DPYSL5: variants seen among roughly 807,000 people sequenced by gnomAD.
DPYSL5 encodes dihydropyrimidinase like 5.
Under a neutral mutation model 58.4 loss-of-function variants are expected in DPYSL5, and 9 were observed. That is an observed-to-expected ratio of 0.15 (90% CI 0.09 to 0.27). DPYSL5 has a LOEUF of 0.27. DPYSL5 is among the 10% of genes least tolerant of loss of function. DPYSL5 has a pLI of 1.00. For synonymous variants in DPYSL5, 293 were observed against 301.9 expected, an observed-to-expected ratio of 0.97 and a Z score of 0.31; for missense variants, 499 against 770.6, an observed-to-expected ratio of 0.65 and a Z score of 4.17.
In DPYSL5 at chr2:26,942,766, G is replaced by C. The variant is rs2148177050; in HGVS notation, c.1440+16G>C. ...GAGAGAGAAGGTGAGGTGGGAGGAG[G>C]AAGATGCAGGGGTGTTGGCGCCCCC... is the stretch of plus-strand genomic sequence containing the variant. On this transcript the variant is annotated intron_variant, in intron 11 of 12. Transcript: ENST00000288699. The surrounding 1 kb of genome is among the most constrained non-coding windows in gnomAD (Gnocchi z 5.9). The C allele has an allele frequency of 1.2e-6, 2 of 1,611,666 alleles. No homozygotes were observed. Among genetic ancestry groups the C allele is most frequent in the East Asian group, 4.5e-5 (2 of 44,808 alleles).
rs563760553 is a variant in DPYSL5, at chr2:26,944,403, C to T, written c.1441-253C>T. 9.8e-5 allele frequency among the ~76,000 whole-genome samples: 15 copies of T among 152,314 alleles called. No individual in the cohort carries two copies. The highest frequency in any genetic ancestry group is 4.1e-4 in the South Asian group (2 of 4,824). On this transcript the variant is annotated intron_variant, in intron 11 of 12. Coordinates refer to ENST00000288699, the MANE Select transcript of DPYSL5 (RefSeq NM_020134.4). This position sits in a 1 kb window ranked among gnomAD's most constrained non-coding sequence, Gnocchi z 4.4. ...AGTATCTCTCCCATACACATGCATGCACACACACATGTGCACTCACATACA... is the reference window on the plus strand; with the variant it reads ...AGTATCTCTCCCATACACATGCATGTACACACACATGTGCACTCACATACA...
At chr2:26,918,185 T>A (rs1225441868) in intron 2 of DPYSL5, among the ~76,000 whole-genome samples, 1 of 144,036 alleles carries the variant, frequency 6.9e-6, no homozygotes, top group Non-Finnish European at 1.5e-5. Flanking sequence ...CCCTTCTAAA[T>A]GTAGGGCCTT....
Position 26,944,575 on chromosome 2 carries a change from GC to G in DPYSL5, c.1441-76del. 1 of 1,498,622 alleles carries G rather than the reference GC, an allele frequency of 6.7e-7. No homozygotes were observed. Among genetic ancestry groups the G allele is most frequent in the Non-Finnish European group, 9.1e-7 (1 of 1,102,460 alleles). The allele number at this position is 1,498,622 out of a possible 1,614,324, so 92.8% of individuals were successfully genotyped here. A position where few individuals can be genotyped will look rare whatever the true frequency, so the allele number is the denominator to read the frequency against. On this transcript the variant is annotated intron_variant, in intron 11 of 12. Coordinates refer to ENST00000288699, the MANE Select transcript of DPYSL5 (RefSeq NM_020134.4). The surrounding 1 kb of genome is among the most constrained non-coding windows in gnomAD (Gnocchi z 4.4). ...AGTGGCAGTGTCTAATGTCCCACCGGCCCCCAGGGAGGCCATGGTTGTATCA... is the reference window on the plus strand; with the variant it reads ...AGTGGCAGTGTCTAATGTCCCACCGGCCCCAGGGAGGCCATGGTTGTATCA...
At chr2:26,929,024 C>A (rs977476218) in intron 5 of DPYSL5, among the ~76,000 whole-genome samples, 1 of 151,966 alleles carries the variant, frequency 6.6e-6, no homozygotes, top group Non-Finnish European at 1.5e-5. Context: ...GGTCATGAAC[C>A]GGTACAGGAC....
At chr2:26,931,776 G>C in intron 6 of DPYSL5, 92 bp downstream of exon 6, 1 of 1,366,506 alleles carries the variant, frequency 7.3e-7, no homozygotes, top group Non-Finnish European at 1.0e-6. Flanking sequence ...GGGAGGCCGA[G>C]GTGCGTGGAT....
At chr2:26,922,028 C>T (rs1032942329) in intron 2 of DPYSL5, among the ~76,000 whole-genome samples, 2 of 152,142 alleles carry the variant, frequency 1.3e-5, no homozygotes, top group Non-Finnish European at 2.9e-5. Context: ...GGGTCCTCTT[C>T]GGGCCCTCCA....
rs1474451682 is a variant in DPYSL5 at position 26,925,092 on chromosome 2, A to G, written c.420+47A>G. The G allele has an allele frequency of 1.3e-6, 2 of 1,597,652 alleles. No individual in the cohort carries two copies. Among genetic ancestry groups the G allele is most frequent in the Non-Finnish European group, 1.7e-6 (2 of 1,170,058 alleles). ...CAGAAGAAGGCACAAGTGGTCTTGT[A>G]GGCAGAGGGGCTGGTTGGGGTGCAG... On this transcript the variant is annotated intron_variant, in intron 3 of 12. Coordinates refer to ENST00000288699, the MANE Select transcript of DPYSL5 (RefSeq NM_020134.4). The surrounding 1 kb of genome is among the most constrained non-coding windows in gnomAD (Gnocchi z 4.5).
chr2:26,935,702 A>G (rs1297289236), intron 8 of DPYSL5, among the ~76,000 whole-genome samples: 1 of 151,540 alleles, frequency 6.6e-6, no homozygotes, highest in African/African-American at 2.4e-5. Flanking sequence ...AAAAAAAAAA[A>G]AAAAAAAATT....
intron 1 of DPYSL5, among the ~76,000 whole-genome samples, chr2:26,874,936 TAAC>T (rs1190897463): frequency 6.6e-6 from 1 of 152,272 alleles, no homozygotes; most frequent in Non-Finnish European, 1.5e-5. Context: ...ATGGACATCT[TAAC>T]AATATCTGTT....
Position 26,913,004 on chromosome 2 carries a change from C to A in DPYSL5, c.262-11883C>A, listed in dbSNP as rs556774620. Among the ~76,000 whole-genome samples, 342 of 152,366 alleles carry A rather than the reference C, an allele frequency of 2.2e-3. 1 individual carries two copies. Among genetic ancestry groups the A allele is most frequent in the Non-Finnish European group, 4.1e-3 (282 of 68,038 alleles). ...CTAGAGTCTGGCTATGTGATTTTCTCAGGCCCCAGTTTTCTTATCTGTAAA... is the reference window on the plus strand; with the variant it reads ...CTAGAGTCTGGCTATGTGATTTTCTAAGGCCCCAGTTTTCTTATCTGTAAA... On this transcript the variant is annotated intron_variant, in intron 2 of 12. Transcript: ENST00000288699.
In DPYSL5 at chr2:26,892,606, G is replaced by A. The variant is rs563757585; in HGVS notation, c.-4-5890G>A. Reference sequence around the variant, plus strand: ...AGTCTCAGTTACTCAAGAGGCTGAAGCTGGAGGATTGCTTGAGCCCAGGAG... The same window carrying A: ...AGTCTCAGTTACTCAAGAGGCTGAAACTGGAGGATTGCTTGAGCCCAGGAG... On this transcript the variant is annotated intron_variant, in intron 1 of 12. Coordinates refer to ENST00000288699, the MANE Select transcript of DPYSL5 (RefSeq NM_020134.4). 2.6e-5 allele frequency among the ~76,000 whole-genome samples: 4 copies of A among 152,146 alleles called. No homozygotes were observed. In the South Asian group the frequency reaches 8.3e-4, roughly 32 times the overall value.
At chr2:26,946,116 G>T (rs1460059797) in intron 12 of DPYSL5, among the ~76,000 whole-genome samples, 1 of 152,152 alleles carries the variant, frequency 6.6e-6, no homozygotes, top group Non-Finnish European at 1.5e-5. Flanking sequence ...TGCACACTCA[G>T]GTCTTGCCAG....
At chr2:26,935,670 C>T (rs975484635) in intron 8 of DPYSL5, among the ~76,000 whole-genome samples, 10 of 129,922 alleles carry the variant, frequency 7.7e-5, no homozygotes, top group South Asian at 2.5e-4. Flanking sequence ...GCCTGTCCGG[C>T]GACAGAGCAA....
intron 8 of DPYSL5, among the ~76,000 whole-genome samples, chr2:26,935,534 A>C (rs1665148351): frequency 6.6e-6 from 1 of 151,868 alleles, no homozygotes; most frequent in South Asian, 2.1e-4. Context: ...CTGAAAATAC[A>C]AAAAATTAGC....
chr2:26,893,450 G>A (rs1029969217), intron 1 of DPYSL5, among the ~76,000 whole-genome samples: 12 of 152,214 alleles, frequency 7.9e-5, no homozygotes, highest in African/African-American at 2.9e-4. Flanking sequence ...GAGGATGAGA[G>A]AAAATATGTT....
intron 1 of DPYSL5, among the ~76,000 whole-genome samples, chr2:26,881,629 A>G (rs959428055): frequency 6.6e-5 from 10 of 152,216 alleles, no homozygotes; most frequent in African/African-American, 2.4e-4. Context: ...ATTGGGCAGA[A>G]GCATTATTGG....
At chr2:26,882,908 TAAAAAAA>T (rs74378520) in intron 1 of DPYSL5, among the ~76,000 whole-genome samples, 2 of 100,124 alleles carry the variant, frequency 2.0e-5, no homozygotes, top group Non-Finnish European at 4.1e-5. Context: ...GAGACTATCT[TAAAAAAA>T]AAAAAAAAAA....
intron 1 of DPYSL5, among the ~76,000 whole-genome samples, chr2:26,853,799 C>T (rs1300032124): frequency 6.6e-6 from 1 of 152,122 alleles, no homozygotes; most frequent in African/African-American, 2.4e-5. Flanking sequence ...GAGGCCCACC[C>T]ACATTATCAA....
intron 1 of DPYSL5, among the ~76,000 whole-genome samples, chr2:26,884,520 T>TCTCACA (rs35489206): frequency 0.25 from 36,488 of 145,390 alleles, 4,778 homozygotes; most frequent in Admixed American, 0.35. Context: ...TTGTCCTATC[T>TCTCACA]CACACACACA....
Sources: gnomAD v4.1 joint callset for allele counts (sites outside exome capture counted in the v4.1 genomes callset) on GRCh38, gnomAD v4.1.1 for gene constraint, Gnocchi (gnomAD v3.1) non-coding constraint, MANE v1.5 for transcripts, NCBI Gene and HGNC (gene_info 2026-07-23, HGNC 2026-07-21) for gene names.